The following EGR3 variants were observed in gnomAD, a reference collection of about 807,000 sequenced individuals.
EGR3 encodes the protein early growth response 3.
Under a neutral mutation model 22.4 loss-of-function variants are expected in EGR3, and 4 were observed. The ratio of observed to expected loss-of-function variants is 0.18; its 90% CI spans 0.09 to 0.41. The LOEUF (loss-of-function observed/expected upper bound fraction) is 0.41, where lower values mean the gene tolerates loss of function less well. Among genes scored for constraint, EGR3 ranks in the 10% least tolerant of loss-of-function variants. EGR3 has a pLI of 1.00. For synonymous variants in EGR3, 219 were observed against 226.8 expected, an observed-to-expected ratio of 0.97 and a Z score of 0.31; for missense variants, 315 against 541.3, an observed-to-expected ratio of 0.58 and a Z score of 4.15.
rs1028807996 is a variant in EGR3, at chr8:22,691,610, G to T, written c.155-128C>A. 23 of 1,451,254 alleles carry T rather than the reference G, an allele frequency of 1.6e-5. No homozygotes were observed. The African/African-American group carries it at 3.1e-4, about 20-fold the overall frequency. 89.9% of individuals were successfully genotyped at this position (1,451,254 alleles called of 1,614,324 possible). ...GAGTGCGTAGCGCATGGGGTAAGAG[G>T]AACGCTGAGCCCCGCGCAAAGCGGG... On this transcript the variant is annotated intron_variant, in intron 1 of 1. Transcript: ENST00000317216.
intron 1 of EGR3, 128 bp from the exon 2 acceptor site, chr8:22,691,610 GAACGCTGAGCCCCGCGCAA>G (rs1238624783): frequency 1.4e-6 from 2 of 1,451,254 alleles, no homozygotes; most frequent in African/African-American, 2.8e-5. Context: ...GGGGTAAGAG[GAACGCTGAGCCCCGCGCAA>G]AGCGGGCGGT....
chr8:22,690,906 C>T lies in EGR3; in HGVS notation c.731G>A (p.Gly244Asp), dbSNP rs1420428500. ...GGTGAGCGGCGGCTGGGGCAGGCTG[C>T]CAAAGCCCGGGTGGATCTGCTTGTC... ...FKDKQIHPGF[G>D]SLPQPPLTLK... The change falls in exon 2 of 2, where the codon GGC (glycine) becomes GAC (aspartate). Residue 244 changes from glycine to aspartate, a missense_variant. Gly to Asp is a moderately conservative substitution (Grantham distance 94). This residue lies in a region of EGR3 where 34 missense variants were observed against 81.9 expected (regional missense o/e 0.42). Coordinates refer to ENST00000317216, the MANE Select transcript of EGR3 (RefSeq NM_004430.3). 3.2e-6 allele frequency: 5 copies of T among 1,575,662 alleles called. No homozygotes were observed. The highest frequency in any genetic ancestry group is 4.3e-6 in the Non-Finnish European group (5 of 1,158,628).
At chr8:22,691,986 C>T (rs375421994) in intron 1 of EGR3, 3 of 1,276,174 alleles carry the variant, frequency 2.4e-6, no homozygotes, top group African/African-American at 1.5e-5. Flanking sequence ...GACGCTTTGT[C>T]CTCGGAGCGT....
At position 22,692,208 on chromosome 8, in the gene EGR3, G is replaced by T; in HGVS notation, c.154+583C>A. ...GCCCCGGGATCGTTCCCCGTGGCAGGCCCTCGCCCCGCGGGTGAACCCCCT... is the reference window on the plus strand; with the variant it reads ...GCCCCGGGATCGTTCCCCGTGGCAGTCCCTCGCCCCGCGGGTGAACCCCCT... On this transcript the variant is annotated intron_variant, in intron 1 of 1. Coordinates refer to ENST00000317216, the MANE Select transcript of EGR3 (RefSeq NM_004430.3). This position sits in a 1 kb window ranked among gnomAD's most constrained non-coding sequence, Gnocchi z 6.2. 7.1e-7 allele frequency: 1 copy of T among 1,415,416 alleles called. No homozygotes were observed. The highest frequency in any genetic ancestry group is 9.2e-7 in the Non-Finnish European group (1 of 1,090,912). The allele number at this position is 1,415,416 out of a possible 1,614,324, so 87.7% of individuals were successfully genotyped here.
In EGR3 at chr8:22,693,367, A is replaced by G. The variant is rs12335145; in HGVS notation, c.-423T>C. The G allele has an allele frequency of 0.011, 557 of 48,678 alleles. No homozygotes were observed. Among genetic ancestry groups the G allele is most frequent in the Middle Eastern group, 0.016 (1 of 64 alleles). The allele number at this position is 48,678 out of a possible 1,614,324, so 3.0% of individuals were successfully genotyped here. A position where few individuals can be genotyped will look rare whatever the true frequency, so the allele number is the denominator to read the frequency against. Reference sequence around the variant, plus strand: ...ATCTGCCACCGCCACCGCCACCGCCACCGCCGCCGCCGCCGCCGCCGCCGC... The same window carrying G: ...ATCTGCCACCGCCACCGCCACCGCCGCCGCCGCCGCCGCCGCCGCCGCCGC... On this transcript the variant is annotated 5_prime_UTR_variant, in exon 1 of 2. Transcript: ENST00000317216.
rs1803862424 is a variant in EGR3 at position 22,689,196 on chromosome 8, G to A, written c.*1277C>T. 6.6e-6 allele frequency: 1 copy of A among 152,548 alleles called. No individual in the cohort carries two copies. The highest frequency in any genetic ancestry group is 2.4e-5 in the African/African-American group (1 of 41,432). The allele number at this position is 152,548 out of a possible 1,614,324, so 9.4% of individuals were successfully genotyped here. ...CTCTTTATTCCGGTGCACTGCACTG[G>A]ATAACCAAGTACCTTAGAGATTTTA... On this transcript the variant is annotated 3_prime_UTR_variant, in exon 2 of 2. Coordinates refer to ENST00000317216, the MANE Select transcript of EGR3 (RefSeq NM_004430.3).
rs998071058 is a variant in EGR3 at position 22,691,213 on chromosome 8, G to A, written c.424C>T (p.Pro142Ser). The A allele has an allele frequency of 6.2e-7, 1 of 1,614,006 alleles. No individual in the cohort carries two copies. Among genetic ancestry groups the A allele is most frequent in the Non-Finnish European group, 8.5e-7 (1 of 1,179,980 alleles). Reference sequence around the variant, plus strand: ...CAGTTGGAGTAGGGGGGTAGCGCGGGATACATGGCCTCCACGTCACCCTGC... The same window carrying A: ...CAGTTGGAGTAGGGGGGTAGCGCGGAATACATGGCCTCCACGTCACCCTGC... ...PPQGDVEAMY[P>S]ALPPYSNCGD... is the part of the protein sequence containing the mutation. Residue 142 changes from proline to serine, a missense_variant, in exon 2 of 2, where the codon CCC (proline) becomes TCC (serine). Physicochemically the swap from Pro to Ser is moderately conservative, Grantham distance 74 (BLOSUM62 -1). Transcript: ENST00000317216.
At chr8:22,691,580 G>A in intron 1 of EGR3, 98 bp from the exon 2 acceptor site, 2 of 1,513,616 alleles carry the variant, frequency 1.3e-6, no homozygotes, top group Non-Finnish European at 1.8e-6. Flanking sequence ...GGGTGCGGCC[G>A]GGTGGAGTGC....
Position 22,692,121 on chromosome 8 carries a change from G to C in EGR3, c.155-639C>G. 1 of 1,367,494 alleles carries C rather than the reference G, an allele frequency of 7.3e-7. No individual in the cohort carries two copies. Among genetic ancestry groups the C allele is most frequent in the Non-Finnish European group, 9.4e-7 (1 of 1,064,916 alleles). The allele number at this position is 1,367,494 out of a possible 1,614,324, so 84.7% of individuals were successfully genotyped here. On this transcript the variant is annotated intron_variant, in intron 1 of 1. Coordinates refer to ENST00000317216, the MANE Select transcript of EGR3 (RefSeq NM_004430.3). This position sits in a 1 kb window ranked among gnomAD's most constrained non-coding sequence, Gnocchi z 6.2. ...CCTAGCCCCAGCTAGGGAGGGTGGAGAGCGGCGGAAAACCGGCCGGTGTCT... is the reference window on the plus strand; with the variant it reads ...CCTAGCCCCAGCTAGGGAGGGTGGACAGCGGCGGAAAACCGGCCGGTGTCT...
In EGR3 at chr8:22,692,489, T is replaced by TCGCAC. The variant is rs892294728; in HGVS notation, c.154+297_154+301dup. ...TGGTGAGGGAGAACCCCAGAGCCGC[T>TCGCAC]CGCACCTACCTCCCTCCGGTCGGCG... On this transcript the variant is annotated intron_variant, in intron 1 of 1. Transcript: ENST00000317216. This position sits in a 1 kb window ranked among gnomAD's most constrained non-coding sequence, Gnocchi z 6.2. The TCGCAC allele has an allele frequency of 1.4e-6, 2 of 1,427,620 alleles. No individual in the cohort carries two copies. The highest frequency in any genetic ancestry group is 2.9e-5 in the African/African-American group (2 of 69,442). The allele number at this position is 1,427,620 out of a possible 1,614,324, so 88.4% of individuals were successfully genotyped here.
At position 22,692,897 on chromosome 8, in the gene EGR3, CA is replaced by C; in HGVS notation, c.47del (p.Leu16CysfsTer2). 1 of 1,613,110 alleles carries C rather than the reference CA, an allele frequency of 6.2e-7. No homozygotes were observed. ...ACAGATTGTCAGGCAGTTGGTTTAG[CA>C]AACTGCTCATGGTCACCGGCAGCTT... ...AEKLPVTMSS[L>X]LNQLPDNLYP... is the part of the protein sequence containing the mutation. On this transcript the variant is annotated frameshift_variant, in exon 1 of 2. Coordinates refer to ENST00000317216, the MANE Select transcript of EGR3 (RefSeq NM_004430.3). LOFTEE classifies it high-confidence loss of function. The surrounding 1 kb of genome is among the most constrained non-coding windows in gnomAD (Gnocchi z 6.2).
In EGR3 at chr8:22,691,271, C is replaced by T. The variant is rs765604099; in HGVS notation, c.366G>A (p.Thr122=). 2 of 1,613,990 alleles carry T rather than the reference C, an allele frequency of 1.2e-6. No individual in the cohort carries two copies. Among genetic ancestry groups the T allele is most frequent in the East Asian group, 2.2e-5 (1 of 44,872 alleles). The stretch of plus-strand genomic sequence containing the variant: ...GCACCATGCTGGCCGTGGACGTCTG[C>T]GTGCTGAGCGCCCCTGAAGCCGGGG... ...GVPPASGALS[T]QTSTASMVQP... Residue 122 remains threonine, a synonymous_variant, in exon 2 of 2, where the codon ACG becomes ACA. Coordinates refer to ENST00000317216, the MANE Select transcript of EGR3 (RefSeq NM_004430.3).
chr8:22,692,423 C>G lies in EGR3; in HGVS notation c.154+368G>C. ...GCTCCTCCCGGGAAGAGGGCGACAG[C>G]ACCACGCCTTGCGCGTAGCCCGGCG... On this transcript the variant is annotated intron_variant, in intron 1 of 1. Transcript: ENST00000317216. This position sits in a 1 kb window ranked among gnomAD's most constrained non-coding sequence, Gnocchi z 6.2. 1 of 1,432,440 alleles carries G rather than the reference C, an allele frequency of 7.0e-7. No homozygotes were observed. Among genetic ancestry groups the G allele is most frequent in the Non-Finnish European group, 9.1e-7 (1 of 1,098,364 alleles). The allele number at this position is 1,432,440 out of a possible 1,614,324, so 88.7% of individuals were successfully genotyped here.
rs754227276 is a variant in EGR3, at chr8:22,691,259, C to A, written c.378G>T (p.Thr126=). 3 of 1,613,984 alleles carry A rather than the reference C, an allele frequency of 1.9e-6. No individual in the cohort carries two copies. The highest frequency in any genetic ancestry group is 2.5e-6 in the Non-Finnish European group (3 of 1,180,008). Reference sequence around the variant, plus strand: ...CCTGCGGTGGCTGCACCATGCTGGCCGTGGACGTCTGCGTGCTGAGCGCCC... The same window carrying A: ...CCTGCGGTGGCTGCACCATGCTGGCAGTGGACGTCTGCGTGCTGAGCGCCC... ...ASGALSTQTS[T]ASMVQPPQGD... The change falls in exon 2 of 2, where the codon ACG becomes ACT. Residue 126 remains threonine (T), a synonymous_variant. Coordinates refer to ENST00000317216, the MANE Select transcript of EGR3 (RefSeq NM_004430.3).
chr8:22,691,199 G>C lies in EGR3; in HGVS notation c.438C>G (p.Pro146=). Residue 146 remains proline, a synonymous_variant, in exon 2 of 2, where the codon CCC becomes CCG. Coordinates refer to ENST00000317216, the MANE Select transcript of EGR3 (RefSeq NM_004430.3). ...AGTAGAGGTCGCCGCAGTTGGAGTA[G>C]GGGGGTAGCGCGGGATACATGGCCT... ...DVEAMYPALP[P]YSNCGDLYSE... is the part of the protein sequence containing the mutation. 11 of 1,613,924 alleles carry C rather than the reference G, an allele frequency of 6.8e-6. No individual in the cohort carries two copies. Among genetic ancestry groups the C allele is most frequent in the Non-Finnish European group, 9.3e-6 (11 of 1,179,980 alleles).
In EGR3 at chr8:22,692,223, G is replaced by A. The variant is rs1203303339; in HGVS notation, c.154+568C>T. The A allele has an allele frequency of 1.4e-6, 2 of 1,440,052 alleles. No individual in the cohort carries two copies. Among genetic ancestry groups the A allele is most frequent in the Non-Finnish European group, 1.8e-6 (2 of 1,103,402 alleles). The allele number at this position is 1,440,052 out of a possible 1,614,324, so 89.2% of individuals were successfully genotyped here. A position where few individuals can be genotyped will look rare whatever the true frequency, so the allele number is the denominator to read the frequency against. On this transcript the variant is annotated intron_variant, in intron 1 of 1. Transcript: ENST00000317216. The surrounding 1 kb of genome is among the most constrained non-coding windows in gnomAD (Gnocchi z 6.2). Reference sequence around the variant, plus strand: ...CCCGTGGCAGGCCCTCGCCCCGCGGGTGAACCCCCTCCTTCTCCCCGCCGT... The same window carrying A: ...CCCGTGGCAGGCCCTCGCCCCGCGGATGAACCCCCTCCTTCTCCCCGCCGT...
chr8:22,691,007 C>T lies in EGR3; in HGVS notation c.630G>A (p.Lys210=). 6.3e-7 allele frequency: 1 copy of T among 1,588,106 alleles called. No individual in the cohort carries two copies. The highest frequency in any genetic ancestry group is 8.6e-7 in the Non-Finnish European group (1 of 1,164,702). The change falls in exon 2 of 2, where the codon AAG becomes AAA. Residue 210 remains lysine, a synonymous_variant. Coordinates refer to ENST00000317216, the MANE Select transcript of EGR3 (RefSeq NM_004430.3). ...GGATGGGGTCCATGCCCTGGAAGGG[C>T]TTGTGCTCCGGAATGGAGCCCATGT... ...PNDMGSIPEH[K]PFQGMDPIRV...
Position 22,690,830 on chromosome 8 carries a change from C to T in EGR3, c.807G>A (p.Pro269=), listed in dbSNP as rs1337628261. The part of the protein sequence containing the change: ...RKYPNRPSKT[P]LHERPHACPA... ...GGCACGCGTGGGGCCGTTCGTGGAG[C>T]GGTGTCTTGCTAGGCCGGTTGGGGT... Residue 269 remains proline (P), a synonymous_variant, in exon 2 of 2, where the codon CCG becomes CCA. Transcript: ENST00000317216. 5.6e-6 allele frequency: 9 copies of T among 1,609,670 alleles called. No homozygotes were observed. In the Admixed American group the frequency reaches 1.2e-4, roughly 21 times the overall value.
rs747163450 is a variant in EGR3, at chr8:22,692,760, C to T, written c.154+31G>A. 6.2e-7 allele frequency: 1 copy of T among 1,610,798 alleles called. No individual in the cohort carries two copies. The highest frequency in any genetic ancestry group is 2.2e-5 in the East Asian group (1 of 44,784). On this transcript the variant is annotated intron_variant, in intron 1 of 1. Coordinates refer to ENST00000317216, the MANE Select transcript of EGR3 (RefSeq NM_004430.3). This position sits in a 1 kb window ranked among gnomAD's most constrained non-coding sequence, Gnocchi z 6.2. ...TCCTCTTCCTCTCCCCTTCCTTCCT[C>T]GCTGCCTCGCCGCCTCCCCGCCGCC...
Sources: allele counts gnomAD v4.1 joint callset, GRCh38; gene constraint gnomAD v4.1.1; regional missense constraint gnomAD v4.1.1; non-coding constraint Gnocchi (gnomAD v3.1); transcripts MANE v1.5; gene names NCBI Gene and HGNC (gene_info 2026-07-23, HGNC 2026-07-21).